The following CAPN8 variants were observed in gnomAD, a reference collection of about 807,000 sequenced individuals.
CAPN8 encodes calpain-8.
A neutral mutation model predicts 80.9 loss-of-function variants in CAPN8; 87 were observed. The observed-to-expected ratio is 1.07, with a 90% confidence interval of 0.90 to 1.28. The LOEUF is 1.28. Among genes scored for constraint, CAPN8 ranks in the 50% most tolerant of loss-of-function variants. The pLI is 0.00. For missense variants in CAPN8, 757 were observed against 702.0 expected, an observed-to-expected ratio of 1.08 and a Z score of -0.89; for synonymous variants, 299 against 273.8, an observed-to-expected ratio of 1.09 and a Z score of -0.91.
Position 223,543,127 on chromosome 1 carries a change from A to C in CAPN8, c.2069T>G (p.Val690Gly), listed in dbSNP as rs1056306232. The C allele has an allele frequency of 6.4e-7, 1 of 1,551,738 alleles. No homozygotes were observed. Among genetic ancestry groups the C allele is most frequent in the Non-Finnish European group, 8.7e-7 (1 of 1,147,010 alleles). The change falls in exon 20 of 21, where the codon GTT (valine) becomes GGT (glycine). Residue 690 changes from valine to glycine, a missense_variant. By Grantham distance (109) the Val-to-Gly change is moderately radical. Transcript: ENST00000366872. ...SLLDEDKDGMVQLSLAEWLCC... is the reference protein window; with the variant it reads ...SLLDEDKDGMGQLSLAEWLCC... ...ATTCACCTCGGCCAGAGAGAGCTGA[A>C]CCATGCCATCCTTGTCTTCGTCCAG... is the stretch of plus-strand genomic sequence containing the variant.
intron 2 of CAPN8, among the ~76,000 whole-genome samples, chr1:223,638,191 T>C (rs1018338624): frequency 6.6e-6 from 1 of 152,324 alleles, no homozygotes; most frequent in African/African-American, 2.4e-5. Context: ...TTACACTGTA[T>C]TAAGTATTAT....
At chr1:223,633,413 T>C (rs1404244911) in intron 2 of CAPN8, among the ~76,000 whole-genome samples, 1 of 137,528 alleles carries the variant, frequency 7.3e-6, no homozygotes, top group Non-Finnish European at 1.6e-5. Flanking sequence ...AAAAAAGAAA[T>C]GTATTTGAGA....
intron 16 of CAPN8, among the ~76,000 whole-genome samples, chr1:223,547,441 G>A (rs765953457): frequency 7.9e-5 from 12 of 152,176 alleles, no homozygotes; most frequent in Non-Finnish European, 1.8e-4. Context: ...ATTAGTGGTT[G>A]CCTAGGGATG....
At chr1:223,611,990 T>C (rs1163834485) in intron 11 of CAPN8, among the ~76,000 whole-genome samples, 1 of 152,198 alleles carries the variant, frequency 6.6e-6, no homozygotes, top group Non-Finnish European at 1.5e-5. Context: ...ATCACCTTGT[T>C]CAGACCACCA....
intron 16 of CAPN8, among the ~76,000 whole-genome samples, chr1:223,548,162 G>A (rs1656677243): frequency 6.6e-6 from 1 of 152,276 alleles, no homozygotes; most frequent in East Asian, 1.9e-4. Context: ...GATCATCATG[G>A]ATGAACAGAC....
Position 223,542,473 on chromosome 1 carries a change from G to A in CAPN8, c.2089-614C>T, listed in dbSNP as rs575915449. On this transcript the variant is annotated intron_variant, in intron 20 of 20. Transcript: ENST00000366872. ...CACTTTAGAGAAGAAAAGAAAGTGG[G>A]TAAGCACAGACAATGGGGCACAGCC... Among the ~76,000 whole-genome samples the A allele has an allele frequency of 4.6e-5, 7 of 152,192 alleles. No homozygotes were observed. In the South Asian group the frequency reaches 1.5e-3, roughly 32 times the overall value.
At chr1:223,644,696 C>T (rs766965726) in intron 2 of CAPN8, among the ~76,000 whole-genome samples, 4 of 152,234 alleles carry the variant, frequency 2.6e-5, no homozygotes, top group Admixed American at 6.5e-5. Context: ...GAAGGTCTCC[C>T]GGCTCCTGCA....
chr1:223,547,749 T>C (rs1656662539), intron 16 of CAPN8, among the ~76,000 whole-genome samples: 1 of 152,178 alleles, frequency 6.6e-6, no homozygotes, highest in South Asian at 2.1e-4. Context: ...ACACTCCTCT[T>C]TGAACCGTGA....
chr1:223,626,842 T>C, intron 5 of CAPN8, 147 bp downstream of exon 5: 1 of 765,084 alleles, frequency 1.3e-6, no homozygotes, highest in Non-Finnish European at 2.0e-6. Flanking sequence ...TTCAGGCCTT[T>C]GTGTCACTAG....
intron 2 of CAPN8, among the ~76,000 whole-genome samples, chr1:223,649,586 T>C (rs930793493): frequency 5.3e-5 from 8 of 152,230 alleles, no homozygotes; most frequent in African/African-American, 1.9e-4. Context: ...TTGCATGAAA[T>C]TCTGAAATCT....
chr1:223,664,879 G>T (rs1168117853), intron 1 of CAPN8, among the ~76,000 whole-genome samples: 1 of 152,182 alleles, frequency 6.6e-6, no homozygotes, highest in South Asian at 2.1e-4. Flanking sequence ...GGTTGAGGTT[G>T]CAGTGCACTG....
At chr1:223,642,076 T>C (rs927669792) in intron 2 of CAPN8, among the ~76,000 whole-genome samples, 1 of 152,180 alleles carries the variant, frequency 6.6e-6, no homozygotes, top group African/African-American at 2.4e-5. Context: ...GATGGCAAGC[T>C]ACCAGTGTTC....
intron 2 of CAPN8, among the ~76,000 whole-genome samples, chr1:223,651,774 A>G (rs547337128): frequency 1.3e-5 from 2 of 152,364 alleles, no homozygotes; most frequent in East Asian, 1.9e-4. Context: ...GAAGTTCTTT[A>G]TAGACTGTTA....
intron 16 of CAPN8, among the ~76,000 whole-genome samples, chr1:223,547,451 G>A (rs1211696595): frequency 6.6e-6 from 1 of 152,194 alleles, no homozygotes; most frequent in African/African-American, 2.4e-5. Flanking sequence ...GCCTAGGGAT[G>A]GTCGTGGAGG....
chr1:223,616,090 G>C lies in CAPN8; in HGVS notation c.1191C>G (p.Asp397Glu). Reference protein sequence around the residue: ...FKIRLDEVDEDQEESIGEPCC... With the variant: ...FKIRLDEVDEEQEESIGEPCC... ...AGGGTTCACCGATGCTCTCCTCCTGGTCCTCATCCACTTCATCCAAACGGA... is the reference window on the plus strand; with the variant it reads ...AGGGTTCACCGATGCTCTCCTCCTGCTCCTCATCCACTTCATCCAAACGGA... Residue 397 changes from aspartate to glutamate, a missense_variant, in exon 10 of 21, where the codon GAC becomes GAG. Coordinates refer to ENST00000366872, the MANE Select transcript of CAPN8 (RefSeq NM_001143962.2). The C allele has an allele frequency of 6.4e-7, 1 of 1,552,028 alleles. No individual in the cohort carries two copies. The highest frequency in any genetic ancestry group is 1.4e-5 in the African/African-American group (1 of 73,196).
intron 2 of CAPN8, among the ~76,000 whole-genome samples, chr1:223,629,959 C>T (rs570112670): frequency 6.6e-6 from 1 of 152,352 alleles, no homozygotes; most frequent in South Asian, 2.1e-4. Context: ...GGCCCTTCAA[C>T]CTTTTAGAGA....
chr1:223,545,323 G>A lies in CAPN8; in HGVS notation c.1765-24C>T. ...CTCTAGGCACATTAAAGACCAACAT[G>A]ATTGAGTCCAAATTCTACATGCCTT... On this transcript the variant is annotated intron_variant, in intron 16 of 20. Transcript: ENST00000366872. 5 of 1,551,456 alleles carry A rather than the reference G, an allele frequency of 3.2e-6. No individual in the cohort carries two copies. In the South Asian group the frequency reaches 5.9e-5, roughly 18 times the overall value.
intron 2 of CAPN8, among the ~76,000 whole-genome samples, chr1:223,653,041 A>G (rs2102734723): frequency 6.6e-6 from 1 of 152,038 alleles, no homozygotes; most frequent in South Asian, 2.1e-4. Flanking sequence ...ATCTCCAACA[A>G]GGAGCTGTCT....
At chr1:223,615,807 T>C (rs187944993) in intron 10 of CAPN8, 163 bp downstream of exon 10, 44 of 793,718 alleles carry the variant, frequency 5.5e-5, no homozygotes, top group Admixed American at 4.6e-4. Context: ...AATGTGGAAT[T>C]CAGGCCTCAG....
Sources: gnomAD v4.1 joint callset for allele counts (sites outside exome capture counted in the v4.1 genomes callset) on GRCh38, gnomAD v4.1.1 for gene constraint, MANE v1.5 for transcripts, NCBI Gene and HGNC (gene_info 2026-07-23, HGNC 2026-07-21) for gene names.